The following CASS4 variants were observed in gnomAD, a reference collection of about 807,000 sequenced individuals.
The protein encoded by CASS4 is cas scaffolding protein family member 4.
A neutral mutation model predicts 54.2 loss-of-function variants in CASS4; 22 were observed. The ratio of observed to expected loss-of-function variants is 0.41; its 90% CI spans 0.29 to 0.58. The LOEUF (loss-of-function observed/expected upper bound fraction) is 0.58, where lower values mean the gene tolerates loss of function less well. Among genes scored for constraint, CASS4 ranks in the 20% least tolerant of loss-of-function variants. The probability of loss-of-function intolerance (pLI) is 0.36; values close to 1 mark genes in which losing one functional copy is unlikely to be tolerated. For missense variants in CASS4, 854 were observed against 986.7 expected (o/e 0.87, Z 1.80); for synonymous variants, 409 against 391.5 (o/e 1.04, Z -0.53).
chr20:56,445,808 C>A, intron 2 of CASS4, 92 bp from the exon 3 acceptor site: 2 of 979,590 alleles, frequency 2.0e-6, no homozygotes, highest in South Asian at 1.5e-5. Context: ...ATCCACCCAG[C>A]TGTCTCTGCT....
intron 1 of CASS4, among the ~76,000 whole-genome samples, chr20:56,433,834 T>A (rs2146277623): frequency 6.6e-6 from 1 of 152,284 alleles, no homozygotes; most frequent in Non-Finnish European, 1.5e-5. Flanking sequence ...GGAATGCCCC[T>A]CACAATACAC....
At chr20:56,429,443 G>A (rs1249215566) in intron 1 of CASS4, among the ~76,000 whole-genome samples, 1 of 152,106 alleles carries the variant, frequency 6.6e-6, no homozygotes, top group Non-Finnish European at 1.5e-5. Context: ...AATTGACTTT[G>A]AATCGCCTCT....
At chr20:56,441,214 G>A (rs1198551242) in intron 2 of CASS4, among the ~76,000 whole-genome samples, 1 of 151,262 alleles carries the variant, frequency 6.6e-6, no homozygotes, top group Non-Finnish European at 1.5e-5. Flanking sequence ...GGCTGGTCTC[G>A]AACTCCTGAC....
intron 1 of CASS4, among the ~76,000 whole-genome samples, chr20:56,413,485 C>T (rs1044333362): frequency 6.6e-6 from 1 of 151,676 alleles, no homozygotes; most frequent in African/African-American, 2.4e-5. Flanking sequence ...CCAGCCTGAT[C>T]AACATGAAAA....
At position 56,430,234 on chromosome 20, in the gene CASS4, A is replaced by G. The variant is rs1218905599; in HGVS notation, c.37-6930A>G. Among the ~76,000 whole-genome samples the G allele has an allele frequency of 6.6e-6, 1 of 152,232 alleles. No homozygotes were observed. The highest frequency in any genetic ancestry group is 1.5e-5 in the Non-Finnish European group (1 of 68,032). ...TCTCTGCACTGAGGTTATCATCAGC[A>G]TGAAGGCAGTGAGTCTCTTATTCTT... On this transcript the variant is annotated intron_variant, in intron 1 of 5. Coordinates refer to ENST00000679887, the MANE Select transcript of CASS4 (RefSeq NM_020356.4). This position sits in a 1 kb window ranked among gnomAD's most constrained non-coding sequence, Gnocchi z 4.2.
At chr20:56,426,203 C>A in intron 1 of CASS4, among the ~76,000 whole-genome samples, 1 of 152,222 alleles carries the variant, frequency 6.6e-6, no homozygotes, top group East Asian at 1.9e-4. Context: ...CTGGCGTTGG[C>A]CCTTGATCGC....
At chr20:56,456,475 G>A (rs1186678901) in intron 5 of CASS4, among the ~76,000 whole-genome samples, 1 of 151,972 alleles carries the variant, frequency 6.6e-6, no homozygotes, top group Non-Finnish European at 1.5e-5. Context: ...ACAGGTTCGG[G>A]CGATTCTCCT....
At chr20:56,429,439 C>T (rs978891429) in intron 1 of CASS4, among the ~76,000 whole-genome samples, 5 of 152,166 alleles carry the variant, frequency 3.3e-5, no homozygotes, top group African/African-American at 1.2e-4. Flanking sequence ...AGACAATTGA[C>T]TTTGAATCGC....
At chr20:56,431,219 T>C (rs1162192359) in intron 1 of CASS4, among the ~76,000 whole-genome samples, 1 of 152,208 alleles carries the variant, frequency 6.6e-6, no homozygotes, top group East Asian at 1.9e-4. Flanking sequence ...ATAGGTAATA[T>C]TATGACTTCA....
chr20:56,457,771 TA>T (rs11086545), intron 5 of CASS4, among the ~76,000 whole-genome samples: 61,121 of 151,804 alleles, frequency 0.4, 13,334 homozygotes, highest in East Asian at 0.93. Flanking sequence ...CCCAGCACTT[TA>T]AGGAGGCTGA....
intron 1 of CASS4, among the ~76,000 whole-genome samples, chr20:56,433,319 T>A (rs1980005714): frequency 6.6e-6 from 1 of 152,210 alleles, no homozygotes; most frequent in Non-Finnish European, 1.5e-5. Flanking sequence ...AGCTGCTGAC[T>A]GCTTTGGGGT....
intron 1 of CASS4, among the ~76,000 whole-genome samples, chr20:56,418,177 CAG>C (rs769115638): frequency 9.9e-5 from 15 of 152,220 alleles, no homozygotes; most frequent in East Asian, 3.9e-4. Flanking sequence ...GAGGAGAAAA[CAG>C]GGGGATCTGA....
intron 5 of CASS4, among the ~76,000 whole-genome samples, chr20:56,455,133 T>TAA (rs11383849): frequency 0.19 from 29,075 of 149,582 alleles, 2,932 homozygotes; most frequent in Middle Eastern, 0.22. Flanking sequence ...CTTCCTTTTT[T>TAA]AAAAAAAAAA....
At chr20:56,435,599 G>A (rs1232653811) in intron 1 of CASS4, among the ~76,000 whole-genome samples, 1 of 152,230 alleles carries the variant, frequency 6.6e-6, no homozygotes, top group Non-Finnish European at 1.5e-5. Flanking sequence ...GGCCATCACT[G>A]CCGTGGTAAC....
chr20:56,416,162 G>A (rs1171738224), intron 1 of CASS4, among the ~76,000 whole-genome samples: 2 of 152,148 alleles, frequency 1.3e-5, no homozygotes, highest in African/African-American at 4.8e-5. Flanking sequence ...CAATTCTCCT[G>A]CCTCAGCCTC....
At chr20:56,419,904 T>C (rs1472948473) in intron 1 of CASS4, among the ~76,000 whole-genome samples, 1 of 152,064 alleles carries the variant, frequency 6.6e-6, no homozygotes, top group Non-Finnish European at 1.5e-5. Context: ...TTAGCTGGGC[T>C]TGGTGGTGCA....
Position 56,458,579 on chromosome 20 carries a change from C to T in CASS4, c.2193C>T (p.Asn731=), listed in dbSNP as rs3746624. 0.34 allele frequency: 553,275 copies of T among 1,613,512 alleles called. 101,934 individuals are homozygous for T. Among genetic ancestry groups the T allele is most frequent in the East Asian group, 0.67 (29,906 of 44,846 alleles). ...AGACCCAGGAGAGGGACGTGCGCAA[C>T]GAGATCCTCCGTGGCAGCAGTCACC... ...CMETQERDVR[N]EILRGSSHLC... is the part of the protein sequence containing the mutation. The change falls in exon 6 of 6, where the codon AAC becomes AAT. Residue 731 remains asparagine (N), a synonymous_variant. Transcript: ENST00000679887.
rs1275758692 is a variant in CASS4, at chr20:56,458,651, G to C, written c.2265G>C (p.Val755=). The C allele has an allele frequency of 6.2e-7, 1 of 1,613,628 alleles. No homozygotes were observed. The highest frequency in any genetic ancestry group is 8.5e-7 in the Non-Finnish European group (1 of 1,179,920). ...KDVALATKNA[V]LTYPSPAALG... ...TAGCGCTGGCCACTAAGAATGCCGT[G>C]CTCACGTACCCCAGCCCTGCCGCGC... The change falls in exon 6 of 6, where the codon GTG becomes GTC. Residue 755 remains valine, a synonymous_variant. Coordinates refer to ENST00000679887, the MANE Select transcript of CASS4 (RefSeq NM_020356.4).
At chr20:56,440,288 G>A (rs1980394768) in intron 2 of CASS4, among the ~76,000 whole-genome samples, 1 of 152,214 alleles carries the variant, frequency 6.6e-6, no homozygotes, top group African/African-American at 2.4e-5. Flanking sequence ...CTGACTCGGA[G>A]CAGAGCTTTG....
Sources: gnomAD v4.1 joint callset for allele counts (sites outside exome capture counted in the v4.1 genomes callset) on GRCh38, gnomAD v4.1.1 for gene constraint, Gnocchi (gnomAD v3.1) non-coding constraint, MANE v1.5 for transcripts, NCBI Gene and HGNC (gene_info 2026-07-23, HGNC 2026-07-21) for gene names.